The following ITCH variants were observed in gnomAD, a reference collection of about 807,000 sequenced individuals.
The protein encoded by ITCH is itchy E3 ubiquitin protein ligase, also known as E3 ubiquitin-protein ligase Itchy homolog.
A neutral mutation model predicts 126.8 loss-of-function variants in ITCH; 28 were observed. The observed-to-expected ratio is 0.22, with a 90% CI of 0.16 to 0.30. ITCH has a LOEUF of 0.30. Among genes scored for constraint, ITCH ranks in the 10% least tolerant of loss-of-function variants. The pLI is 1.00. For synonymous variants in ITCH, 342 were observed against 340.0 expected, an observed-to-expected ratio of 1.01 and a Z score of -0.06; for missense variants, 631 against 1,032.4, an observed-to-expected ratio of 0.61 and a Z score of 5.33.
chr20:34,420,364 A>G (rs1449406048), intron 6 of ITCH, among the ~76,000 whole-genome samples: 1 of 152,262 alleles, frequency 6.6e-6, no homozygotes, highest in Non-Finnish European at 1.5e-5. Flanking sequence ...TTTACTTAGC[A>G]TAATGAATTT....
At position 34,370,655 on chromosome 20, in the gene ITCH, G is replaced by A. The variant is rs1333215895; in HGVS notation, c.-22+1185G>A. ...CTCCAGCCTGGGCAACAGAGTGAGA[G>A]TCTGTCTCAAAAAAAAAAAAAAGAA... On this transcript the variant is annotated intron_variant, in intron 2 of 24. Transcript: ENST00000374864. Among the ~76,000 whole-genome samples the A allele has an allele frequency of 1.1e-3, 142 of 128,820 alleles. 1 individual carries two copies. Among genetic ancestry groups the A allele is most frequent in the Non-Finnish European group, 4.0e-4 (25 of 62,700 alleles). The allele number at this position is 128,820 out of a possible 152,430, so 84.5% of individuals were successfully genotyped here.
At chr20:34,442,389 ACTTTTT>A in intron 10 of ITCH, 86 bp downstream of exon 10, 1 of 1,019,998 alleles carries the variant, frequency 9.8e-7, no homozygotes, top group Non-Finnish European at 1.5e-6. Flanking sequence ...TTTCTGTTTT[ACTTTTT>A]CTTGTCAGCC....
At chr20:34,495,921 T>TAAAA (rs35357680) in intron 23 of ITCH, among the ~76,000 whole-genome samples, 3 of 49,960 alleles carry the variant, frequency 6.0e-5, no homozygotes, top group East Asian at 7.4e-4. Context: ...CTGAAAATAC[T>TAAAA]AAAAAAAAAA....
intron 11 of ITCH, among the ~76,000 whole-genome samples, chr20:34,446,478 T>C (rs1034197180): frequency 6.6e-6 from 1 of 152,204 alleles, no homozygotes; most frequent in African/African-American, 2.4e-5. Flanking sequence ...TCAGCAGCCT[T>C]CCCTTTGTTC....
intron 7 of ITCH, among the ~76,000 whole-genome samples, chr20:34,425,251 G>A (rs1017385418): frequency 6.6e-6 from 1 of 152,164 alleles, no homozygotes; most frequent in African/African-American, 2.4e-5. Context: ...AAAAGTCATC[G>A]CCATTCTCCA....
intron 7 of ITCH, among the ~76,000 whole-genome samples, chr20:34,425,607 T>G (rs571190819): frequency 1.3e-5 from 2 of 152,348 alleles, no homozygotes; most frequent in East Asian, 3.9e-4. Context: ...GCAGCAATAC[T>G]GCTCTGTTAC....
In ITCH at chr20:34,413,890, A is replaced by G; in HGVS notation, c.475+11A>G. The stretch of plus-strand genomic sequence containing the variant: ...CTACATGTTCAGAAAGTAAGTGACT[A>G]CCTTTTTAAGGTCTTTAATGATTCT... On this transcript the variant is annotated intron_variant, in intron 6 of 24. Transcript: ENST00000374864. 1 of 1,605,048 alleles carries G rather than the reference A, an allele frequency of 6.2e-7. No homozygotes were observed. The highest frequency in any genetic ancestry group is 8.5e-7 in the Non-Finnish European group (1 of 1,171,830).
At chr20:34,507,263 G>GTTTTTTTTT (rs776161631) in intron 24 of ITCH, among the ~76,000 whole-genome samples, 173 of 39,098 alleles carry the variant, frequency 4.4e-3, no homozygotes, top group Middle Eastern at 0.024. Context: ...GTTTTCTTCT[G>GTTTTTTTTT]TTTTTTTTTT....
At chr20:34,480,534 A>G (rs1243917589) in intron 18 of ITCH, 65 bp from the exon 19 acceptor site, 4 of 1,554,888 alleles carry the variant, frequency 2.6e-6, no homozygotes, top group Non-Finnish European at 3.5e-6. Context: ...GAGTACATCT[A>G]ATATATTGAA....
chr20:34,390,551 A>G (rs1247116793), intron 2 of ITCH, among the ~76,000 whole-genome samples: 1 of 146,076 alleles, frequency 6.8e-6, no homozygotes, highest in Non-Finnish European at 1.5e-5. Flanking sequence ...TCCAGGTTCA[A>G]CGATCCTCCC....
At chr20:34,475,015 A>G (rs1159432815) in intron 16 of ITCH, among the ~76,000 whole-genome samples, 1 of 148,134 alleles carries the variant, frequency 6.8e-6, no homozygotes, top group Non-Finnish European at 1.5e-5. Context: ...CACATCCCAG[A>G]CGGGGCGGCG....
chr20:34,493,232 G>C, intron 23 of ITCH, among the ~76,000 whole-genome samples: 1 of 152,190 alleles, frequency 6.6e-6, no homozygotes, highest in Non-Finnish European at 1.5e-5. Flanking sequence ...GCCTGCTTCA[G>C]ACTGAAGCAG....
chr20:34,463,868 A>G (rs1409188960), intron 14 of ITCH, among the ~76,000 whole-genome samples: 1 of 151,626 alleles, frequency 6.6e-6, no homozygotes, highest in East Asian at 1.9e-4. Flanking sequence ...TATCAAATAC[A>G]TGATTTGCAA....
At chr20:34,476,317 A>T in intron 16 of ITCH, 2 of 1,084,562 alleles carry the variant, frequency 1.8e-6, no homozygotes, top group Non-Finnish European at 2.8e-6. Context: ...CGACACGCTC[A>T]GCGGCCGGCT....
chr20:34,364,211 G>A (rs2037319095), intron 1 of ITCH, among the ~76,000 whole-genome samples: 1 of 152,116 alleles, frequency 6.6e-6, no homozygotes, highest in Non-Finnish European at 1.5e-5. Flanking sequence ...CTTGTAAAGG[G>A]CCAGGAATTC....
chr20:34,464,166 G>C (rs940942179), intron 14 of ITCH, among the ~76,000 whole-genome samples: 3 of 133,974 alleles, frequency 2.2e-5, no homozygotes, highest in African/African-American at 8.3e-5. Context: ...TTTGTATTTT[G>C]TTTAATAGAG....
At chr20:34,394,763 C>T (rs775634565) in intron 3 of ITCH, among the ~76,000 whole-genome samples, 1 of 152,106 alleles carries the variant, frequency 6.6e-6, no homozygotes, top group Non-Finnish European at 1.5e-5. Context: ...ATATACTCTT[C>T]TTCATAGGGG....
At chr20:34,398,213 C>T (rs2038744641) in intron 3 of ITCH, among the ~76,000 whole-genome samples, 1 of 151,840 alleles carries the variant, frequency 6.6e-6, no homozygotes, top group African/African-American at 2.4e-5. Context: ...CAAGTGTGCG[C>T]CACCACACCC....
At chr20:34,437,578 A>G (rs1196128835) in intron 7 of ITCH, among the ~76,000 whole-genome samples, 1 of 152,200 alleles carries the variant, frequency 6.6e-6, no homozygotes, top group East Asian at 1.9e-4. Flanking sequence ...AAGTGCTGCA[A>G]TTACAAGCGT....
Sources: gnomAD v4.1 joint callset for allele counts (sites outside exome capture counted in the v4.1 genomes callset) on GRCh38, gnomAD v4.1.1 for gene constraint, MANE v1.5 for transcripts, NCBI Gene and HGNC (gene_info 2026-07-23, HGNC 2026-07-21) for gene names.